Variants in GUCA1C observed in about 807,000 individuals in gnomAD.
The protein encoded by GUCA1C is guanylyl cyclase-activating protein 3.
GUCA1C carries 15 observed loss-of-function variants against 16.2 expected under a neutral mutation model. That is an observed-to-expected ratio of 0.93 (90% CI 0.62 to 1.43). GUCA1C has a LOEUF of 1.43. Ranked by LOEUF, GUCA1C falls within the 40% of genes most tolerant of loss-of-function variation. GUCA1C has a pLI of 0.00. For missense variants in GUCA1C, 275 were observed against 244.8 expected (o/e 1.12, Z -0.82); for synonymous variants, 78 against 85.4 (o/e 0.91, Z 0.48).
chr3:108,932,328 A>C (rs1946676668), intron 1 of GUCA1C, among the ~76,000 whole-genome samples: 1 of 117,548 alleles, frequency 8.5e-6, no homozygotes, highest in Non-Finnish European at 1.7e-5. Flanking sequence ...CCCACCAAAA[A>C]AAAAAAAAAA....
chr3:108,912,884 A>T (rs892742686), intron 3 of GUCA1C, among the ~76,000 whole-genome samples: 4 of 152,156 alleles, frequency 2.6e-5, no homozygotes, highest in Non-Finnish European at 5.9e-5. Flanking sequence ...TATCAAAGTA[A>T]ACAAAACGGA....
chr3:108,941,492 T>C (rs777508490), intron 1 of GUCA1C, among the ~76,000 whole-genome samples: 5 of 152,206 alleles, frequency 3.3e-5, no homozygotes, highest in Non-Finnish European at 5.9e-5. Context: ...GCAAAGACTT[T>C]TGACAAGTCT....
At chr3:108,933,079 CAT>C (rs1428486441) in intron 1 of GUCA1C, among the ~76,000 whole-genome samples, 3 of 152,188 alleles carry the variant, frequency 2.0e-5, no homozygotes, top group Admixed American at 1.3e-4. Flanking sequence ...TGCTTCTCCA[CAT>C]ATGTCATACT....
chr3:108,929,189 G>A (rs1258980018), intron 1 of GUCA1C, among the ~76,000 whole-genome samples: 1 of 152,126 alleles, frequency 6.6e-6, no homozygotes, highest in African/African-American at 2.4e-5. Flanking sequence ...TCATTTGAGA[G>A]TGCCAATGTA....
At chr3:108,939,456 C>T (rs1400859834) in intron 1 of GUCA1C, among the ~76,000 whole-genome samples, 4 of 149,556 alleles carry the variant, frequency 2.7e-5, no homozygotes, top group African/African-American at 4.9e-5. Flanking sequence ...CCACCCGAGT[C>T]GCTGGGATTA....
intron 1 of GUCA1C, among the ~76,000 whole-genome samples, chr3:108,940,460 G>A (rs1360577807): frequency 6.6e-6 from 1 of 152,208 alleles, no homozygotes; most frequent in Non-Finnish European, 1.5e-5. Context: ...TTCAAGTAGA[G>A]CTGGGGCTCC....
In GUCA1C at chr3:108,916,234, G is replaced by C. The variant is rs781171915; in HGVS notation, c.355-20C>G. On this transcript the variant is annotated intron_variant, in intron 2 of 3. Coordinates refer to ENST00000261047, the MANE Select transcript of GUCA1C (RefSeq NM_005459.4). ...TACCGCCTGCAAAAAGACATTAAAT[G>C]AAAGAGGTCAACTTTTCTGGAAGCA... The C allele has an allele frequency of 1.9e-6, 3 of 1,600,268 alleles. No homozygotes were observed. Among genetic ancestry groups the C allele is most frequent in the Non-Finnish European group, 2.6e-6 (3 of 1,176,138 alleles).
chr3:108,928,094 A>AGGGAGATG, intron 1 of GUCA1C, among the ~76,000 whole-genome samples: 2 of 152,220 alleles, frequency 1.3e-5, no homozygotes, highest in Non-Finnish European at 2.9e-5. Flanking sequence ...GGATACCACC[A>AGGGAGATG]CAGTTTTTCA....
At chr3:108,908,736 C>G (rs1204590571) in intron 3 of GUCA1C, among the ~76,000 whole-genome samples, 3 of 152,196 alleles carry the variant, frequency 2.0e-5, no homozygotes, top group African/African-American at 7.2e-5. Flanking sequence ...GAGTCCTGAT[C>G]TTATCACCTT....
intron 1 of GUCA1C, among the ~76,000 whole-genome samples, chr3:108,934,035 G>A (rs186819437): frequency 7.2e-5 from 11 of 152,162 alleles, no homozygotes; most frequent in Non-Finnish European, 8.8e-5. Context: ...CAGGGACATG[G>A]ATGAATCTGG....
chr3:108,910,799 A>G (rs907947409), intron 3 of GUCA1C, among the ~76,000 whole-genome samples: 58 of 151,432 alleles, frequency 3.8e-4, no homozygotes, highest in Non-Finnish European at 4.7e-4. Flanking sequence ...ACAGGCGCCC[A>G]CCACCACACC....
At chr3:108,938,739 T>A (rs1031268661) in intron 1 of GUCA1C, among the ~76,000 whole-genome samples, 2 of 152,238 alleles carry the variant, frequency 1.3e-5, no homozygotes, top group Non-Finnish European at 2.9e-5. Flanking sequence ...AAATTGGTTA[T>A]ATAATGTGAT....
In GUCA1C at chr3:108,908,027, T is replaced by A. The variant is rs2107267661; in HGVS notation, c.625A>T (p.Lys209Ter). The A allele has an allele frequency of 6.2e-7, 1 of 1,610,494 alleles. No individual in the cohort carries two copies. Among genetic ancestry groups the A allele is most frequent in the Non-Finnish European group, 8.5e-7 (1 of 1,178,226 alleles). Residue 209 changes from lysine (K) to a stop codon, truncating the protein, a stop_gained, in exon 4 of 4, where the codon AAG (lysine) becomes TAG (stop). Transcript: ENST00000261047. LOFTEE classifies it high-confidence loss of function. ...TGGGACAGGTATTCTCACAGCTACT[T>A]CATTTTCACCTTCCCTAGACCAGCC... is the stretch of plus-strand genomic sequence containing the variant. ...DKAGLGKVKM[K>*]
At chr3:108,945,684 G>A (rs964498686) in intron 1 of GUCA1C, among the ~76,000 whole-genome samples, 8 of 152,186 alleles carry the variant, frequency 5.3e-5, no homozygotes, top group East Asian at 1.9e-4. Flanking sequence ...AAGCATGTAC[G>A]TAGAACATGT....
At chr3:108,937,932 G>A (rs967574564) in intron 1 of GUCA1C, among the ~76,000 whole-genome samples, 16 of 152,050 alleles carry the variant, frequency 1.1e-4, no homozygotes, top group African/African-American at 3.9e-4. Flanking sequence ...TTAGCGGGGC[G>A]TGGTGGCAGG....
intron 1 of GUCA1C, among the ~76,000 whole-genome samples, chr3:108,936,272 G>C (rs1010391015): frequency 2.6e-4 from 40 of 151,738 alleles, no homozygotes; most frequent in African/African-American, 9.4e-4. Flanking sequence ...GAAAAAAAAG[G>C]CTTATGTACA....
intron 3 of GUCA1C, among the ~76,000 whole-genome samples, chr3:108,910,647 T>TTTCTTC (rs972511924): frequency 6.6e-6 from 1 of 151,992 alleles, no homozygotes; most frequent in South Asian, 2.1e-4. Context: ...TCAATTTTTT[T>TTTCTTC]TTCTTCTTCT....
chr3:108,919,902 C>T (rs1400992441), intron 2 of GUCA1C, among the ~76,000 whole-genome samples: 4 of 152,092 alleles, frequency 2.6e-5, no homozygotes, highest in Non-Finnish European at 5.9e-5. Context: ...TTTGTTGTTT[C>T]ATACCATGAT....
chr3:108,940,597 A>C (rs1477736576), intron 1 of GUCA1C, among the ~76,000 whole-genome samples: 1 of 152,260 alleles, frequency 6.6e-6, no homozygotes, highest in Non-Finnish European at 1.5e-5. Flanking sequence ...AGCACGAATA[A>C]ATGTCCAAAG....
Sources: allele counts gnomAD v4.1 joint callset (sites outside exome capture counted in the v4.1 genomes callset), GRCh38; gene constraint gnomAD v4.1.1; transcripts MANE v1.5; gene names NCBI Gene and HGNC (gene_info 2026-07-23, HGNC 2026-07-21).